GNS: variants seen among roughly 807,000 people sequenced by gnomAD.
The protein encoded by GNS is N-acetylglucosamine-6-sulfatase.
GNS carries 40 observed loss-of-function variants against 69.7 expected under a neutral mutation model. The observed-to-expected ratio is 0.57, with a 90% CI of 0.45 to 0.75. GNS has a LOEUF of 0.75. Among genes scored for constraint, GNS ranks in the 30% least tolerant of loss-of-function variants. The pLI, the probability that GNS is intolerant of heterozygous loss-of-function variation, is 0.00. For synonymous variants in GNS, 243 were observed against 251.6 expected, an observed-to-expected ratio of 0.97 and a Z score of 0.32; for missense variants, 565 against 685.5, an observed-to-expected ratio of 0.82 and a Z score of 1.96.
At chr12:64,723,233 C>A in intron 10 of GNS, 120 bp from the exon 11 acceptor site, 1 of 714,230 alleles carries the variant, frequency 1.4e-6, no homozygotes, top group East Asian at 2.7e-5. Context: ...CATTCAGTAA[C>A]TAAAGGGAAT....
At chr12:64,759,002 G>A in intron 1 of GNS, 83 bp downstream of exon 1, 1 of 1,146,036 alleles carries the variant, frequency 8.7e-7, no homozygotes, top group Non-Finnish European at 1.3e-6. Flanking sequence ...CGGGGAGGAG[G>A]GTGGTGGGGA....
At chr12:64,741,621 G>T (rs1312011237) in intron 6 of GNS, among the ~76,000 whole-genome samples, 1 of 151,752 alleles carries the variant, frequency 6.6e-6, no homozygotes, top group African/African-American at 2.4e-5. Context: ...CAAGATATCG[G>T]TCACCCTAGA....
intron 9 of GNS, among the ~76,000 whole-genome samples, chr12:64,735,154 T>C (rs1025346940): frequency 6.6e-6 from 1 of 152,264 alleles, no homozygotes; most frequent in East Asian, 1.9e-4. Context: ...GTTTGATTGC[T>C]CCTTGCCGTA....
chr12:64,758,272 T>C (rs1870327477), intron 1 of GNS, among the ~76,000 whole-genome samples: 1 of 148,970 alleles, frequency 6.7e-6, no homozygotes, highest in Non-Finnish European at 1.5e-5. Context: ...CCCTCAATAG[T>C]TCGACGGTCG....
At chr12:64,719,732 A>G (rs1181295249) in intron 13 of GNS, among the ~76,000 whole-genome samples, 2 of 152,166 alleles carry the variant, frequency 1.3e-5, no homozygotes, top group Non-Finnish European at 2.9e-5. Flanking sequence ...AGTGTCACCA[A>G]TGCAAACAAG....
At chr12:64,727,544 G>C (rs1372556782) in intron 10 of GNS, among the ~76,000 whole-genome samples, 3 of 152,124 alleles carry the variant, frequency 2.0e-5, no homozygotes, top group South Asian at 2.1e-4. Flanking sequence ...TTCACACACA[G>C]AATGTTATTC....
chr12:64,739,302 C>G, intron 8 of GNS, 79 bp downstream of exon 8: 2 of 837,446 alleles, frequency 2.4e-6, no homozygotes, highest in Non-Finnish European at 4.2e-6. Flanking sequence ...AAGACTAGAA[C>G]TCCCTCCCAG....
At chr12:64,739,330 A>C (rs1161857634) in intron 8 of GNS, 51 bp downstream of exon 8, 1 of 933,398 alleles carries the variant, frequency 1.1e-6, no homozygotes, top group African/African-American at 1.6e-5. Flanking sequence ...TGGGTGAAAA[A>C]GGAAAGACAT....
chr12:64,743,614 T>C (rs536185601), intron 5 of GNS, among the ~76,000 whole-genome samples: 1 of 152,340 alleles, frequency 6.6e-6, no homozygotes, highest in East Asian at 1.9e-4. Flanking sequence ...ATTTTACTAT[T>C]AACTTACACT....
At chr12:64,756,612 T>C in intron 1 of GNS, 1 of 703,388 alleles carries the variant, frequency 1.4e-6, no homozygotes. Context: ...AAGGATACTA[T>C]GTACAGCAGA....
chr12:64,751,549 T>C (rs1319647040), intron 2 of GNS, among the ~76,000 whole-genome samples: 2 of 152,224 alleles, frequency 1.3e-5, no homozygotes, highest in South Asian at 2.1e-4. Context: ...ATTCTTATGA[T>C]AGCTTATTAC....
At position 64,716,581 on chromosome 12, in the gene GNS, G is replaced by A. The variant is rs1035169031; in HGVS notation, c.*160C>T. On this transcript the variant is annotated 3_prime_UTR_variant, in exon 14 of 14. Coordinates refer to ENST00000258145, the MANE Select transcript of GNS (RefSeq NM_002076.4). ...GAGTTCACAGTTTAACACATTGCAC[G>A]AGGAAGTCAGCTGACTGGGTTGCTT... 4 of 685,032 alleles carry A rather than the reference G, an allele frequency of 5.8e-6. No homozygotes were observed. The highest frequency in any genetic ancestry group is 5.5e-5 in the East Asian group (2 of 36,478). 42.4% of individuals were successfully genotyped at this position (685,032 alleles called of 1,614,324 possible). A position where few individuals can be genotyped will look rare whatever the true frequency, so the allele number is the denominator to read the frequency against.
At position 64,747,920 on chromosome 12, in the gene GNS, T is replaced by G; in HGVS notation, c.253-2A>C. 1 of 1,565,358 alleles carries G rather than the reference T, an allele frequency of 6.4e-7. No individual in the cohort carries two copies. Among genetic ancestry groups the G allele is most frequent in the East Asian group, 2.2e-5 (1 of 44,626 alleles). On this transcript the variant is annotated splice_acceptor_variant, in intron 2 of 13. Transcript: ENST00000258145. LOFTEE classifies it high-confidence loss of function. ...GCAGCAGAGAGCACTTGGCACATAC[T>G]ACAAAGGAAAGGAAGCAAAAACGAC...
rs1868982755 is a variant in GNS at position 64,720,234 on chromosome 12, A to G, written c.1420-52T>C. 3.3e-6 allele frequency: 4 copies of G among 1,205,290 alleles called. No homozygotes were observed. The Admixed American group carries it at 6.7e-5, about 20-fold the overall frequency. The allele number at this position is 1,205,290 out of a possible 1,614,324, so 74.7% of individuals were successfully genotyped here. A position where few individuals can be genotyped will look rare whatever the true frequency, so the allele number is the denominator to read the frequency against. ...AGAAAAGAGCAAAGGTTAGCCGTGA[A>G]GAAATACTCTTAACGTGACTTATTT... On this transcript the variant is annotated intron_variant, in intron 12 of 13. Transcript: ENST00000258145.
chr12:64,743,852 T>C (rs894811248), intron 5 of GNS, among the ~76,000 whole-genome samples: 4 of 152,248 alleles, frequency 2.6e-5, no homozygotes, highest in South Asian at 2.1e-4. Context: ...TATCAGGAGA[T>C]ACTTTATGAA....
At chr12:64,727,327 T>A (rs980042277) in intron 10 of GNS, among the ~76,000 whole-genome samples, 6 of 141,990 alleles carry the variant, frequency 4.2e-5, no homozygotes, top group Admixed American at 3.5e-4. Flanking sequence ...TCCTAGCTAC[T>A]GGGGAGGCTG....
At chr12:64,744,175 C>T (rs1689511182) in intron 5 of GNS, among the ~76,000 whole-genome samples, 2 of 152,206 alleles carry the variant, frequency 1.3e-5, no homozygotes, top group Admixed American at 1.3e-4. Flanking sequence ...ATTTCTCGAA[C>T]TGATCACCAG....
At position 64,741,206 on chromosome 12, in the gene GNS, C is replaced by CA. The variant is rs574433285; in HGVS notation, c.793-519dup. Among the ~76,000 whole-genome samples, 86 of 105,464 alleles carry CA rather than the reference C, an allele frequency of 8.2e-4. 11 individuals are homozygous for CA. The highest frequency in any genetic ancestry group is 1.4e-3 in the Non-Finnish European group (61 of 43,892). 69.2% of individuals were successfully genotyped at this position (105,464 alleles called of 152,430 possible). A position where few individuals can be genotyped will look rare whatever the true frequency, so the allele number is the denominator to read the frequency against. ...TGGGCGACAGAGCGAGACTCCGTCT[C>CA]AAAAAAAAAAAAAAAAAAGAAAATG... On this transcript the variant is annotated intron_variant, in intron 6 of 13. Coordinates refer to ENST00000258145, the MANE Select transcript of GNS (RefSeq NM_002076.4).
chr12:64,741,373 C>T (rs1404207376), intron 6 of GNS, among the ~76,000 whole-genome samples: 3 of 151,776 alleles, frequency 2.0e-5, no homozygotes, highest in African/African-American at 7.3e-5. Flanking sequence ...GCAACCTGTG[C>T]CTCCCGGGTT....
Sources: allele counts gnomAD v4.1 joint callset (sites outside exome capture counted in the v4.1 genomes callset), GRCh38; gene constraint gnomAD v4.1.1; transcripts MANE v1.5; gene names NCBI Gene and HGNC (gene_info 2026-07-23, HGNC 2026-07-21).